The following PPFIA2 variants were observed in gnomAD, a reference collection of about 807,000 sequenced individuals.
The protein encoded by PPFIA2 is PPFI scaffold protein A2.
In PPFIA2, 46 loss-of-function variants were observed where a neutral mutation model predicts 175.5. The observed-to-expected ratio is 0.26, with a 90% confidence interval of 0.21 to 0.34. The LOEUF (loss-of-function observed/expected upper bound fraction) is 0.34, where lower values mean the gene tolerates loss of function less well. Ranked by LOEUF, PPFIA2 falls within the 10% of genes least tolerant of loss-of-function variation. The probability of loss-of-function intolerance (pLI) is 1.00; values close to 1 mark genes in which losing one functional copy is unlikely to be tolerated. For missense variants in PPFIA2, 1,179 were observed against 1,506.1 expected (o/e 0.78, Z 3.60); for synonymous variants, 568 against 511.4 (o/e 1.11, Z -1.49).
At chr12:81,566,008 A>G (rs1256989160) in intron 4 of PPFIA2, among the ~76,000 whole-genome samples, 1 of 152,152 alleles carries the variant, frequency 6.6e-6, no homozygotes, top group Non-Finnish European at 1.5e-5. Context: ...TCTCTGTGGG[A>G]GAGAATTAGG....
At chr12:81,438,956 T>A (rs1490320759) in intron 7 of PPFIA2, among the ~76,000 whole-genome samples, 1 of 152,040 alleles carries the variant, frequency 6.6e-6, no homozygotes, top group Non-Finnish European at 1.5e-5. Flanking sequence ...TAATCAACCC[T>A]CTTCATTATT....
At chr12:81,435,803 G>C (rs1335056708) in intron 7 of PPFIA2, among the ~76,000 whole-genome samples, 1 of 151,814 alleles carries the variant, frequency 6.6e-6, no homozygotes, top group Non-Finnish European at 1.5e-5. Flanking sequence ...AATTAATTCA[G>C]AAAAAAATGT....
At chr12:81,340,372 A>C (rs1326268491) in intron 20 of PPFIA2, among the ~76,000 whole-genome samples, 2 of 152,100 alleles carry the variant, frequency 1.3e-5, no homozygotes, top group Non-Finnish European at 2.9e-5. Flanking sequence ...GGTTATATTA[A>C]TTATGTGTCT....
intron 4 of PPFIA2, among the ~76,000 whole-genome samples, chr12:81,543,164 C>T (rs980569938): frequency 2.0e-5 from 3 of 152,222 alleles, no homozygotes; most frequent in South Asian, 2.1e-4. Context: ...TTTCTAACAC[C>T]ATTCTCCAAT....
At chr12:81,336,103 G>A (rs1595012008) in intron 21 of PPFIA2, among the ~76,000 whole-genome samples, 1 of 152,048 alleles carries the variant, frequency 6.6e-6, no homozygotes, top group East Asian at 1.9e-4. Context: ...AATAAGAACT[G>A]TAAACCCTAG....
At chr12:81,716,606 T>G (rs1371962760) in intron 3 of PPFIA2, among the ~76,000 whole-genome samples, 4 of 150,952 alleles carry the variant, frequency 2.6e-5, no homozygotes. Flanking sequence ...CTCTTCACAC[T>G]GTCGGTGGAA....
At chr12:81,493,282 C>T (rs1315943744) in intron 4 of PPFIA2, among the ~76,000 whole-genome samples, 1 of 151,918 alleles carries the variant, frequency 6.6e-6, no homozygotes, top group Non-Finnish European at 1.5e-5. Flanking sequence ...TAATTCAGCC[C>T]AAATTGCTAA....
intron 4 of PPFIA2, among the ~76,000 whole-genome samples, chr12:81,488,511 G>A (rs2059088089): frequency 6.6e-6 from 1 of 151,480 alleles, no homozygotes; most frequent in Non-Finnish European, 1.5e-5. Context: ...CATTATCATG[G>A]CACCTGATAC....
At chr12:81,606,893 G>A (rs1406580648) in intron 4 of PPFIA2, among the ~76,000 whole-genome samples, 5 of 152,010 alleles carry the variant, frequency 3.3e-5, no homozygotes, top group Non-Finnish European at 2.9e-5. Flanking sequence ...TGCCAATGCC[G>A]ATGTTGAGAA....
chr12:81,317,417 C>T (rs1487498480), intron 22 of PPFIA2, among the ~76,000 whole-genome samples: 2 of 151,432 alleles, frequency 1.3e-5, no homozygotes, highest in East Asian at 1.9e-4. Context: ...TTAAGCGTGA[C>T]TAACGGATTA....
At chr12:81,691,765 T>C (rs1220984979) in intron 3 of PPFIA2, among the ~76,000 whole-genome samples, 1 of 152,132 alleles carries the variant, frequency 6.6e-6, no homozygotes, top group East Asian at 1.9e-4. Context: ...GGAAAGGAGA[T>C]AAGTAACTTT....
At chr12:81,552,602 AAAATATGAATCTT>A (rs1241000533) in intron 4 of PPFIA2, among the ~76,000 whole-genome samples, 8 of 152,062 alleles carry the variant, frequency 5.3e-5, no homozygotes, top group Non-Finnish European at 8.8e-5. Flanking sequence ...AATATAATGA[AAAATATGAATCTT>A]TTGTTATTTA....
chr12:81,280,217 G>C (rs991697488), intron 27 of PPFIA2, among the ~76,000 whole-genome samples: 2 of 151,980 alleles, frequency 1.3e-5, no homozygotes, highest in Non-Finnish European at 2.9e-5. Flanking sequence ...GGAGAGTTTC[G>C]TGCTAAGGAT....
intron 15 of PPFIA2, among the ~76,000 whole-genome samples, chr12:81,360,411 G>T (rs537881905): frequency 1.3e-5 from 2 of 151,932 alleles, no homozygotes; most frequent in African/African-American, 4.8e-5. Flanking sequence ...AGCCAGGTAA[G>T]AATTTTTTTA....
At chr12:81,545,095 A>G (rs118111493) in intron 4 of PPFIA2, among the ~76,000 whole-genome samples, 18 of 144,404 alleles carry the variant, frequency 1.2e-4, no homozygotes, top group Non-Finnish European at 2.2e-4. Flanking sequence ...AAATAAAACA[A>G]TACATTTTCA....
intron 4 of PPFIA2, among the ~76,000 whole-genome samples, chr12:81,643,129 A>T (rs1231735092): frequency 6.7e-6 from 1 of 150,284 alleles, no homozygotes; most frequent in Non-Finnish European, 1.5e-5. Context: ...CTTAAAACAT[A>T]TATATCCAAA....
intron 7 of PPFIA2, chr12:81,429,986 C>A (rs2047804504): frequency 6.6e-6 from 1 of 152,070 alleles, no homozygotes; most frequent in Admixed American, 6.6e-5. Flanking sequence ...TAACTCTGTT[C>A]TCACTTTCCT....
At chr12:81,696,443 C>A (rs753126346) in intron 3 of PPFIA2, among the ~76,000 whole-genome samples, 3 of 151,990 alleles carry the variant, frequency 2.0e-5, no homozygotes, top group Non-Finnish European at 2.9e-5. Flanking sequence ...GTATTGGGAC[C>A]CAGTGAAGGG....
intron 4 of PPFIA2, among the ~76,000 whole-genome samples, chr12:81,513,397 T>C (rs1331633959): frequency 6.6e-6 from 1 of 152,048 alleles, no homozygotes; most frequent in Non-Finnish European, 1.5e-5. Context: ...ACCCCACTAC[T>C]GGGTATCTAC....
Sources: allele counts gnomAD v4.1 joint callset (sites outside exome capture counted in the v4.1 genomes callset), GRCh38; gene constraint gnomAD v4.1.1; transcripts MANE v1.5; gene names NCBI Gene and HGNC (gene_info 2026-07-23, HGNC 2026-07-21).